The following PTPRD variants were observed in gnomAD, a reference collection of about 807,000 sequenced individuals.
The protein encoded by PTPRD is receptor-type tyrosine-protein phosphatase delta.
In PTPRD, 34 loss-of-function variants were observed where a neutral mutation model predicts 214.5. The ratio of observed to expected loss-of-function variants is 0.16; its 90% CI spans 0.12 to 0.21. The LOEUF (loss-of-function observed/expected upper bound fraction) is 0.21. Among genes scored for constraint, PTPRD ranks in the 10% least tolerant of loss-of-function variants. The pLI, the probability that PTPRD is intolerant of heterozygous loss-of-function variation, is 1.00. For missense variants in PTPRD, 2,545 were observed against 2,398.7 expected (o/e 1.06, Z -1.27); for synonymous variants, 1,128 against 845.7 (o/e 1.33, Z -5.79).
At chr9:9,349,491 T>C (rs1346343855) in intron 9 of PTPRD, among the ~76,000 whole-genome samples, 1 of 152,060 alleles carries the variant, frequency 6.6e-6, no homozygotes, top group Non-Finnish European at 1.5e-5. Context: ...AAGTGCCACC[T>C]AATGTTTACA....
intron 12 of PTPRD, among the ~76,000 whole-genome samples, chr9:8,693,953 T>C (rs2097858125): frequency 6.6e-6 from 1 of 152,226 alleles, no homozygotes; most frequent in Non-Finnish European, 1.5e-5. Flanking sequence ...GCAGATGTTT[T>C]AATAATTTAA....
intron 11 of PTPRD, among the ~76,000 whole-genome samples, chr9:8,768,429 G>A (rs1381600339): frequency 6.6e-6 from 1 of 152,064 alleles, no homozygotes; most frequent in Non-Finnish European, 1.5e-5. Flanking sequence ...GCACACACCT[G>A]TAGTCCCAGC....
At chr9:9,316,466 A>G (rs932206613) in intron 9 of PTPRD, among the ~76,000 whole-genome samples, 1 of 152,168 alleles carries the variant, frequency 6.6e-6, no homozygotes, top group African/African-American at 2.4e-5. Flanking sequence ...AGGGTAATCT[A>G]TAGATAAGTC....
At chr9:9,908,830 G>C (rs1032299235) in intron 5 of PTPRD, among the ~76,000 whole-genome samples, 3 of 151,850 alleles carry the variant, frequency 2.0e-5, no homozygotes, top group Non-Finnish European at 4.4e-5. Flanking sequence ...ACAAATGCTA[G>C]GTCTAAGAAT....
chr9:8,421,374 C>CTCTT (rs1554921311), intron 35 of PTPRD, among the ~76,000 whole-genome samples: 1 of 149,616 alleles, frequency 6.7e-6, no homozygotes, highest in Non-Finnish European at 1.5e-5. Flanking sequence ...CTTCTCTTCT[C>CTCTT]TCTCTCTCTC....
intron 2 of PTPRD, among the ~76,000 whole-genome samples, chr9:10,500,695 C>T (rs10809102): frequency 0.24 from 36,562 of 151,620 alleles, 5,147 homozygotes; most frequent in Non-Finnish European, 0.32. Flanking sequence ...CCCCCAACCC[C>T]TCCCCAACTA....
intron 4 of PTPRD, among the ~76,000 whole-genome samples, chr9:9,956,429 C>G (rs1054079289): frequency 3.3e-5 from 5 of 152,220 alleles, no homozygotes; most frequent in South Asian, 2.1e-4. Flanking sequence ...ATAAGCACTA[C>G]TTGATTTCAG....
At chr9:9,644,375 T>A (rs2096073451) in intron 7 of PTPRD, among the ~76,000 whole-genome samples, 1 of 152,184 alleles carries the variant, frequency 6.6e-6, no homozygotes, top group African/African-American at 2.4e-5. Flanking sequence ...ATAACCAGTA[T>A]CATCAATCAT....
rs142644698 is a variant in PTPRD, at chr9:10,147,837, G to A, written c.-544-114047C>T. The stretch of plus-strand genomic sequence containing the variant: ...GGAGGTTGCAGTGAGTCAAGATCAC[G>A]CCACTGCACTCCAGCCTGGGCAACA... On this transcript the variant is annotated intron_variant, in intron 3 of 45. Transcript: ENST00000381196. Among the ~76,000 whole-genome samples the A allele has an allele frequency of 4.8e-3, 737 of 152,218 alleles. 11 individuals carry two copies. Among genetic ancestry groups the A allele is most frequent in the African/African-American group, 0.017 (693 of 41,544 alleles).
Position 8,569,319 on chromosome 9 carries a change from A to G in PTPRD, c.353-40540T>C, listed in dbSNP as rs921221035. 7.2e-4 allele frequency among the ~76,000 whole-genome samples: 109 copies of G among 152,186 alleles called. 1 individual carries two copies. The highest frequency in any genetic ancestry group is 4.6e-3 in the Admixed American group (71 of 15,272). On this transcript the variant is annotated intron_variant, in intron 14 of 45. Coordinates refer to ENST00000381196, the MANE Select transcript of PTPRD (RefSeq NM_002839.4). The stretch of plus-strand genomic sequence containing the variant: ...CATTCTATCCAATGTTACCCAAATC[A>G]TATCAGGCAGGCAATCATCCTCCAA...
intron 10 of PTPRD, among the ~76,000 whole-genome samples, chr9:9,141,070 TTC>T (rs1160741388): frequency 6.6e-6 from 1 of 151,964 alleles, no homozygotes; most frequent in Non-Finnish European, 1.5e-5. Flanking sequence ...TTATATTTTT[TTC>T]TCTGTCTCTG....
In PTPRD at chr9:8,974,474, C is replaced by T. The variant is rs578067627; in HGVS notation, c.-104+44223G>A. Among the ~76,000 whole-genome samples the T allele has an allele frequency of 5.3e-5, 8 of 152,014 alleles. No individual in the cohort carries two copies. In the Middle Eastern group the frequency reaches 0.01, roughly 194 times the overall value. On this transcript the variant is annotated intron_variant, in intron 11 of 45. Transcript: ENST00000381196. ...CAGCTTTGTTACATAGGTATACATGCGCCATGGTGGTTTGCTGTACCCATC... is the reference window on the plus strand; with the variant it reads ...CAGCTTTGTTACATAGGTATACATGTGCCATGGTGGTTTGCTGTACCCATC...
At chr9:8,814,098 T>G (rs898742051) in intron 11 of PTPRD, among the ~76,000 whole-genome samples, 3 of 152,326 alleles carry the variant, frequency 2.0e-5, no homozygotes, top group South Asian at 4.1e-4. Flanking sequence ...TGATGCTCAA[T>G]AAAAGTTTAT....
intron 3 of PTPRD, among the ~76,000 whole-genome samples, chr9:10,163,528 T>C (rs554211834): frequency 4.0e-5 from 6 of 151,638 alleles, no homozygotes; most frequent in Admixed American, 6.6e-5. Flanking sequence ...GTTGCTGTTA[T>C]TTTTACATAC....
chr9:9,572,704 C>A (rs2086906676), intron 8 of PTPRD, among the ~76,000 whole-genome samples: 1 of 147,396 alleles, frequency 6.8e-6, no homozygotes, highest in Admixed American at 6.8e-5. Context: ...TAAACATAAC[C>A]TAATAATAAA....
At chr9:9,958,606 T>A (rs539632713) in intron 4 of PTPRD, among the ~76,000 whole-genome samples, 53 of 152,116 alleles carry the variant, frequency 3.5e-4, no homozygotes, top group African/African-American at 1.3e-3. Context: ...GTTAAGATAA[T>A]CAGACAAGAA....
intron 2 of PTPRD, among the ~76,000 whole-genome samples, chr9:10,477,751 C>T (rs1335846292): frequency 6.6e-6 from 1 of 152,044 alleles, no homozygotes; most frequent in Admixed American, 6.5e-5. Context: ...CAGTGATACA[C>T]TGGATAAAGA....
At chr9:9,861,715 G>C (rs757125784) in intron 5 of PTPRD, among the ~76,000 whole-genome samples, 1 of 152,100 alleles carries the variant, frequency 6.6e-6, no homozygotes, top group Non-Finnish European at 1.5e-5. Flanking sequence ...AATATATTGA[G>C]CTTATATATA....
chr9:8,717,888 G>C (rs1324166240), intron 12 of PTPRD, among the ~76,000 whole-genome samples: 3 of 152,096 alleles, frequency 2.0e-5, no homozygotes, highest in African/African-American at 7.2e-5. Flanking sequence ...ACCCGCTCCT[G>C]GTAGCATCCT....
Sources: gnomAD v4.1 joint callset for allele counts (sites outside exome capture counted in the v4.1 genomes callset) on GRCh38, gnomAD v4.1.1 for gene constraint, MANE v1.5 for transcripts, NCBI Gene and HGNC (gene_info 2026-07-23, HGNC 2026-07-21) for gene names.